ARHGEF28: variants seen among roughly 807,000 people sequenced by gnomAD.
The protein encoded by ARHGEF28 is Rho guanine nucleotide exchange factor 28.
Under a neutral mutation model 206.6 loss-of-function variants are expected in ARHGEF28, and 152 were observed. The observed-to-expected ratio is 0.74, with a 90% confidence interval of 0.64 to 0.84. ARHGEF28 has a LOEUF of 0.84. Ranked by LOEUF, ARHGEF28 falls within the 40% of genes least tolerant of loss-of-function variation. ARHGEF28 has a pLI of 0.00. For missense variants in ARHGEF28, 2,028 were observed against 2,073.2 expected (o/e 0.98, Z 0.42); for synonymous variants, 763 against 776.4 (o/e 0.98, Z 0.29).
At chr5:73,766,501 G>T (rs1561389021) in intron 4 of ARHGEF28, among the ~76,000 whole-genome samples, 1 of 152,176 alleles carries the variant, frequency 6.6e-6, no homozygotes, top group African/African-American at 2.4e-5. Context: ...TGGGTAGGCT[G>T]TGTTATAAAA....
At chr5:73,811,504 G>A (rs189262708) in intron 9 of ARHGEF28, among the ~76,000 whole-genome samples, 31 of 152,244 alleles carry the variant, frequency 2.0e-4, no homozygotes, top group African/African-American at 7.2e-4. Context: ...TGCCTACAGC[G>A]TCCTAGGCAC....
chr5:73,880,527 G>T (rs181550674), intron 22 of ARHGEF28, among the ~76,000 whole-genome samples: 3 of 152,210 alleles, frequency 2.0e-5, no homozygotes, highest in African/African-American at 4.8e-5. Flanking sequence ...CGTTGCTCAC[G>T]CTAGGAGCTG....
At chr5:73,835,905 T>C (rs1757600152) in intron 10 of ARHGEF28, among the ~76,000 whole-genome samples, 1 of 152,224 alleles carries the variant, frequency 6.6e-6, no homozygotes, top group Admixed American at 6.5e-5. Flanking sequence ...GATTGCTTCC[T>C]TGCTGCATGT....
At chr5:73,735,083 G>C (rs1162302230) in intron 2 of ARHGEF28, among the ~76,000 whole-genome samples, 1 of 152,056 alleles carries the variant, frequency 6.6e-6, no homozygotes, top group South Asian at 2.1e-4. Context: ...GAAACTGCCT[G>C]GCACTCATTA....
At chr5:73,735,995 C>G (rs1054649046) in intron 2 of ARHGEF28, among the ~76,000 whole-genome samples, 8 of 152,164 alleles carry the variant, frequency 5.3e-5, no homozygotes, top group Non-Finnish European at 2.9e-5. Flanking sequence ...AAGCTCTTCT[C>G]TTCCTATTAG....
At chr5:73,759,109 CAAAGA>C (rs1320208258) in intron 4 of ARHGEF28, among the ~76,000 whole-genome samples, 1 of 151,544 alleles carries the variant, frequency 6.6e-6, no homozygotes, top group Non-Finnish European at 1.5e-5. Flanking sequence ...GAGCTGTCCC[CAAAGA>C]AAACCAATTG....
intron 2 of ARHGEF28, among the ~76,000 whole-genome samples, chr5:73,707,512 G>C (rs540248350): frequency 2.6e-5 from 4 of 152,216 alleles, no homozygotes; most frequent in East Asian, 1.9e-4. Flanking sequence ...GCCTATAAAT[G>C]GTCTTTTAGT....
intron 1 of ARHGEF28, among the ~76,000 whole-genome samples, chr5:73,674,751 T>C (rs1399109859): frequency 6.6e-6 from 1 of 152,164 alleles, no homozygotes; most frequent in Non-Finnish European, 1.5e-5. Flanking sequence ...AAGACTAAAC[T>C]GATCACAAAT....
In ARHGEF28 at chr5:73,801,276, C is replaced by T. The variant is rs1434525636; in HGVS notation, c.1024+5885C>T. On this transcript the variant is annotated intron_variant, in intron 9 of 35. Coordinates refer to ENST00000513042, the MANE Select transcript of ARHGEF28 (RefSeq NM_001177693.2). ...CCTGGCTAACATGGTGAAACCCGGTCTCTACTAAAACTACAAAAAAATTAG... is the reference window on the plus strand; with the variant it reads ...CCTGGCTAACATGGTGAAACCCGGTTTCTACTAAAACTACAAAAAAATTAG... 2.6e-5 allele frequency among the ~76,000 whole-genome samples: 4 copies of T among 151,854 alleles called. No homozygotes were observed. In the East Asian group the frequency reaches 5.8e-4, roughly 22 times the overall value.
In ARHGEF28 at chr5:73,867,944, T is replaced by C. The variant is rs756263695; in HGVS notation, c.2221T>C (p.Leu741=). ...CCCTTCTTCCTCCGTGCCTGTTGGA[T>C]TGCCGACTGGAAGGAGGGAGACTGT... ...LHPSSSVPVG[L]PTGRRETVGQ... is the part of the protein sequence containing the mutation. The change falls in exon 19 of 36, where the codon TTG becomes CTG. Residue 741 remains leucine (L), a synonymous_variant. Coordinates refer to ENST00000513042, the MANE Select transcript of ARHGEF28 (RefSeq NM_001177693.2). 2.7e-5 allele frequency: 44 copies of C among 1,613,888 alleles called. No individual in the cohort carries two copies. The highest frequency in any genetic ancestry group is 3.6e-5 in the Non-Finnish European group (43 of 1,179,888).
At chr5:73,655,671 A>G (rs1162813678) in intron 1 of ARHGEF28, among the ~76,000 whole-genome samples, 1 of 152,204 alleles carries the variant, frequency 6.6e-6, no homozygotes, top group African/African-American at 2.4e-5. Flanking sequence ...GTATTTACAC[A>G]TTGAGAAACC....
At chr5:73,702,072 G>A (rs1390420731) in intron 2 of ARHGEF28, among the ~76,000 whole-genome samples, 1 of 152,134 alleles carries the variant, frequency 6.6e-6, no homozygotes, top group Admixed American at 6.5e-5. Flanking sequence ...GTTTTTAAAG[G>A]AACTGACAAA....
At chr5:73,829,941 G>A (rs932111875) in intron 9 of ARHGEF28, among the ~76,000 whole-genome samples, 7 of 152,054 alleles carry the variant, frequency 4.6e-5, no homozygotes, top group African/African-American at 1.4e-4. Flanking sequence ...GGCTGATTTT[G>A]TAGAGACCCA....
chr5:73,911,491 G>A lies in ARHGEF28; in HGVS notation c.4864G>A (p.Val1622Ile). Reference protein sequence around the residue: ...LKVDPSQPSNVSHKLWTAAGS... With the variant: ...LKVDPSQPSNISHKLWTAAGS... ...GGTGGACCCTTCTCAGCCTTCGAAT[G>A]TCAGTCACAAACTGTGGACAGCCGC... Residue 1622 changes from valine (V) to isoleucine (I), a missense_variant, in exon 35 of 36, where the codon GTC becomes ATC. This residue lies in a region of ARHGEF28 where 803 missense variants were observed against 768.0 expected (regional missense o/e 1.05). Coordinates refer to ENST00000513042, the MANE Select transcript of ARHGEF28 (RefSeq NM_001177693.2). 6.2e-7 allele frequency: 1 copy of A among 1,613,904 alleles called. No individual in the cohort carries two copies. Among genetic ancestry groups the A allele is most frequent in the African/African-American group, 1.3e-5 (1 of 75,052 alleles).
rs549520632 is a variant in ARHGEF28 at position 73,752,843 on chromosome 5, C to T, written c.182-66C>T. 9.6e-4 allele frequency: 1,505 copies of T among 1,571,078 alleles called. 7 individuals are homozygous for T. Among genetic ancestry groups the T allele is most frequent in the South Asian group, 9.3e-3 (791 of 85,510 alleles). On this transcript the variant is annotated intron_variant, in intron 3 of 35. Transcript: ENST00000513042. ...CTTAAGCTATGTGGTGGGGCTAGCA[C>T]ATTGGACCCCTGTGAGAGCATCTCC...
At chr5:73,925,005 C>T (rs74580127) in intron 35 of ARHGEF28, among the ~76,000 whole-genome samples, 20,852 of 152,216 alleles carry the variant, frequency 0.14, 1,708 homozygotes, top group South Asian at 0.3. Context: ...ATGACATATC[C>T]TAGCATGATT....
At chr5:73,925,339 A>G (rs1302963323) in intron 35 of ARHGEF28, among the ~76,000 whole-genome samples, 2 of 151,748 alleles carry the variant, frequency 1.3e-5, no homozygotes, top group Non-Finnish European at 2.9e-5. Context: ...CACATCCCCA[A>G]CCTTTTGTAC....
chr5:73,862,701 T>C (rs72772547), intron 16 of ARHGEF28, among the ~76,000 whole-genome samples: 17,978 of 152,122 alleles, frequency 0.12, 1,136 homozygotes, highest in African/African-American at 0.15. Flanking sequence ...TACACTGAAT[T>C]AATTATTATT....
At chr5:73,813,667 A>C (rs1755989202) in intron 9 of ARHGEF28, 1 of 1,535,616 alleles carries the variant, frequency 6.5e-7, no homozygotes, top group African/African-American at 1.4e-5. Context: ...AAGGACGTCC[A>C]AACAAGGTAG....
Sources: gnomAD v4.1 joint callset for allele counts (sites outside exome capture counted in the v4.1 genomes callset) on GRCh38, gnomAD v4.1.1 for gene constraint, gnomAD v4.1.1 regional missense constraint, MANE v1.5 for transcripts, NCBI Gene and HGNC (gene_info 2026-07-23, HGNC 2026-07-21) for gene names.